The following ANKMY1 variants were observed in gnomAD, a reference collection of about 807,000 sequenced individuals.
ANKMY1 encodes the protein ankyrin repeat and MYND domain-containing protein 1.
In ANKMY1, 98 loss-of-function variants were observed where a neutral mutation model predicts 102.0. The ratio of observed to expected loss-of-function variants is 0.96; its 90% CI spans 0.82 to 1.14. ANKMY1 has a LOEUF of 1.14. Among genes scored for constraint, ANKMY1 ranks in the 50% most tolerant of loss-of-function variants. The pLI is 0.00. For missense variants in ANKMY1, 1,330 were observed against 1,347.6 expected (o/e 0.99, Z 0.20); for synonymous variants, 582 against 559.9 (o/e 1.04, Z -0.56).
intron 7 of ANKMY1, 23 bp from the exon 8 acceptor site, chr2:240,524,404 G>T: frequency 1.3e-6 from 2 of 1,576,820 alleles, no homozygotes; most frequent in South Asian, 2.3e-5. Context: ...CCAAAAAAGT[G>T]TCATTAGAAT....
intron 14 of ANKMY1, 116 bp from the exon 15 acceptor site, chr2:240,500,239 C>A: frequency 7.5e-7 from 1 of 1,324,672 alleles, no homozygotes; most frequent in South Asian, 1.4e-5. Flanking sequence ...GAGGACGAAC[C>A]CAGACAGACA....
chr2:240,475,918 A>G (rs2074821121), downstream of ANKMY1, among the ~76,000 whole-genome samples: 2 of 152,224 alleles, frequency 1.3e-5, no homozygotes, highest in Non-Finnish European at 2.9e-5. Context: ...AAATGTCCAT[A>G]CTACCCAAAG....
In ANKMY1 at chr2:240,525,932, A is replaced by G. The variant is rs933139148; in HGVS notation, c.1171-83T>C. The G allele has an allele frequency of 4.7e-6, 7 of 1,504,362 alleles. No homozygotes were observed. In the Admixed American group the frequency reaches 6.9e-5, roughly 15 times the overall value. The allele number at this position is 1,504,362 out of a possible 1,614,324, so 93.2% of individuals were successfully genotyped here. A position where few individuals can be genotyped will look rare whatever the true frequency, so the allele number is the denominator to read the frequency against. ...GGTCACTGGGTGTCCTGATGCCCTC[A>G]TGAGGCCACCCTATGGCAGGGCAGG... On this transcript the variant is annotated intron_variant, in intron 6 of 17. Coordinates refer to ENST00000401804, the MANE Select transcript of ANKMY1 (RefSeq NM_001282771.3).
Position 240,526,303 on chromosome 2 carries a change from T to C in ANKMY1, c.1096A>G (p.Arg366Gly). ...AEEGNHEWIC[R>G]ILKDNFASAD... is the part of the protein sequence containing the mutation. ...CTAGCAAAGTTGTCCTTCAGGATCC[T>C]ACAAATCCATTCGTGGTTCCCTTCC... Residue 366 changes from arginine (R) to glycine (G), a missense_variant, in exon 6 of 18, where the codon AGG becomes GGG. Transcript: ENST00000401804. 1 of 1,614,208 alleles carries C rather than the reference T, an allele frequency of 6.2e-7. No homozygotes were observed. The highest frequency in any genetic ancestry group is 8.5e-7 in the Non-Finnish European group (1 of 1,180,024).
At chr2:240,530,579 T>C (rs2085111645) in intron 4 of ANKMY1, among the ~76,000 whole-genome samples, 2 of 152,196 alleles carry the variant, frequency 1.3e-5, no homozygotes, top group Admixed American at 1.3e-4. Context: ...TGCAGAACCA[T>C]GAGCCAATCA....
At chr2:240,486,218 T>C (rs2076044590) in intron 15 of ANKMY1, among the ~76,000 whole-genome samples, 1 of 152,170 alleles carries the variant, frequency 6.6e-6, no homozygotes, top group South Asian at 2.1e-4. Context: ...CAACAGAACT[T>C]TCCTCCTGCC....
At chr2:240,496,076 AG>A (rs2077219925) in intron 15 of ANKMY1, among the ~76,000 whole-genome samples, 1 of 152,232 alleles carries the variant, frequency 6.6e-6, no homozygotes, top group Non-Finnish European at 1.5e-5. Context: ...TCTTCTGATG[AG>A]ATGCTGGCTA....
Position 240,507,551 on chromosome 2 carries a change from GC to G in ANKMY1, c.2526+8del. The G allele has an allele frequency of 1.3e-6, 2 of 1,597,316 alleles. No homozygotes were observed. Among genetic ancestry groups the G allele is most frequent in the Non-Finnish European group, 1.7e-6 (2 of 1,171,936 alleles). On this transcript the variant is annotated splice_region_variant and intron_variant, in intron 13 of 17. Coordinates refer to ENST00000401804, the MANE Select transcript of ANKMY1 (RefSeq NM_001282771.3). ...CTCACCAGGGCCACCCCAGCCTCCT[GC>G]CCCTCACCAGGGCCAGCTTGCTGTC...
Position 240,506,456 on chromosome 2 carries a change from C to T in ANKMY1, c.2526+1104G>A, listed in dbSNP as rs1005780311. On this transcript the variant is annotated intron_variant, in intron 13 of 17. Transcript: ENST00000401804. The surrounding 1 kb of genome is among the most constrained non-coding windows in gnomAD (Gnocchi z 4.9). ...CTTCTGCGTCCTCACTTAGTCTATC[C>T]AGACAGAACAGGGTCTTAGGAAGAA... 6.6e-6 allele frequency among the ~76,000 whole-genome samples: 1 copy of T among 152,200 alleles called. No homozygotes were observed. Among genetic ancestry groups the T allele is most frequent in the African/African-American group, 2.4e-5 (1 of 41,442 alleles).
At chr2:240,478,523 G>A (rs1215702979), downstream of ANKMY1, among the ~76,000 whole-genome samples, 1 of 152,122 alleles carries the variant, frequency 6.6e-6, no homozygotes, top group African/African-American at 2.4e-5. Context: ...GACCCTCCCA[G>A]GGGCAGCCTG....
At chr2:240,548,258 A>G (rs1482642469) in intron 4 of ANKMY1, among the ~76,000 whole-genome samples, 1 of 152,264 alleles carries the variant, frequency 6.6e-6, no homozygotes, top group African/African-American at 2.4e-5. Context: ...ACCAAAGACA[A>G]AAACCACATG....
rs1335385894 is a variant in ANKMY1, at chr2:240,499,218, C to T, written c.2806+740G>A. Among the ~76,000 whole-genome samples, 6 of 151,638 alleles carry T rather than the reference C, an allele frequency of 4.0e-5. No individual in the cohort carries two copies. Among genetic ancestry groups the T allele is most frequent in the South Asian group, 2.1e-4 (1 of 4,816 alleles). On this transcript the variant is annotated intron_variant, in intron 15 of 17. Transcript: ENST00000401804. This position sits in a 1 kb window ranked among gnomAD's most constrained non-coding sequence, Gnocchi z 4.2. The stretch of plus-strand genomic sequence containing the variant: ...GTGTGTGTGCACACACGTGTTAACA[C>T]GTGACAGGTTTTTATGTGAGGAGAG...
intron 8 of ANKMY1, chr2:240,522,196 C>A (rs1306100827): frequency 6.6e-6 from 1 of 152,126 alleles, no homozygotes; most frequent in Non-Finnish European, 1.5e-5. Context: ...AGACACTGAG[C>A]ATTGATTGGT....
intron 4 of ANKMY1, among the ~76,000 whole-genome samples, chr2:240,531,176 C>T (rs1030971390): frequency 1.3e-5 from 2 of 152,120 alleles, no homozygotes; most frequent in African/African-American, 4.8e-5. Flanking sequence ...ACTAAAAATT[C>T]AAACCATAAT....
chr2:240,512,822 C>A lies in ANKMY1; in HGVS notation c.2125G>T (p.Asp709Tyr). The A allele has an allele frequency of 6.2e-7, 1 of 1,613,978 alleles. No homozygotes were observed. The highest frequency in any genetic ancestry group is 1.1e-5 in the South Asian group (1 of 91,058). ...CACACCTTGCCGGGCTTGTAAGTGT[C>A]GTCCTCGTCGGATGCCTTGGCGTCC... ...DVDAKASDED[D>Y]TYKPGKLDLL... is the part of the protein sequence containing the mutation. Residue 709 changes from aspartate to tyrosine, a missense_variant, in exon 10 of 18, where the codon GAC becomes TAC. Asp to Tyr is a radical substitution (Grantham distance 160). Transcript: ENST00000401804.
At position 240,506,777 on chromosome 2, in the gene ANKMY1, C is replaced by T. The variant is rs1336904499; in HGVS notation, c.2526+783G>A. On this transcript the variant is annotated intron_variant, in intron 13 of 17. Transcript: ENST00000401804. The surrounding 1 kb of genome is among the most constrained non-coding windows in gnomAD (Gnocchi z 4.9). ...CGGACACAGGAAGGGCTGGCATGGG[C>T]GGAGGGCAGCAGGCAGCAGGGCACA... 2.0e-5 allele frequency among the ~76,000 whole-genome samples: 3 copies of T among 152,038 alleles called. No individual in the cohort carries two copies. The highest frequency in any genetic ancestry group is 6.5e-5 in the Admixed American group (1 of 15,268).
intron 4 of ANKMY1, among the ~76,000 whole-genome samples, chr2:240,547,227 T>G (rs1275493341): frequency 6.6e-6 from 1 of 152,104 alleles, no homozygotes; most frequent in Non-Finnish European, 1.5e-5. Flanking sequence ...ACCGCTCAAC[T>G]ACATGGAAAC....
At chr2:240,489,065 T>G (rs1246537213) in intron 15 of ANKMY1, among the ~76,000 whole-genome samples, 2 of 152,170 alleles carry the variant, frequency 1.3e-5, no homozygotes, top group East Asian at 3.8e-4. Context: ...AGGAAAGGCT[T>G]TTAATTTTTC....
At chr2:240,549,653 CAA>C (rs1318517014) in intron 4 of ANKMY1, among the ~76,000 whole-genome samples, 1 of 151,942 alleles carries the variant, frequency 6.6e-6, no homozygotes, top group Admixed American at 6.6e-5. Flanking sequence ...ACAATGAACT[CAA>C]AACAAATTTA....
Sources: allele counts gnomAD v4.1 joint callset (sites outside exome capture counted in the v4.1 genomes callset), GRCh38; gene constraint gnomAD v4.1.1; non-coding constraint Gnocchi (gnomAD v3.1); transcripts MANE v1.5; gene names NCBI Gene and HGNC (gene_info 2026-07-23, HGNC 2026-07-21).